SDHA: variants seen among roughly 807,000 people sequenced by gnomAD.
The protein encoded by SDHA is succinate dehydrogenase [ubiquinone] flavoprotein subunit, mitochondrial.
A neutral mutation model predicts 78.4 loss-of-function variants in SDHA; 48 were observed. That is an observed-to-expected ratio of 0.61 (90% CI 0.49 to 0.78). The LOEUF (loss-of-function observed/expected upper bound fraction) is 0.78. Among genes scored for constraint, SDHA ranks in the 30% least tolerant of loss-of-function variants. The probability of loss-of-function intolerance (pLI) is 0.00; values close to 1 mark genes in which losing one functional copy is unlikely to be tolerated. For synonymous variants in SDHA, 326 were observed against 353.9 expected, an observed-to-expected ratio of 0.92 and a Z score of 0.88; for missense variants, 680 against 892.7, an observed-to-expected ratio of 0.76 and a Z score of 3.04.
At chr5:219,794 G>A (rs1734610466) in intron 1 of SDHA, among the ~76,000 whole-genome samples, 1 of 152,186 alleles carries the variant, frequency 6.6e-6, no homozygotes, top group Non-Finnish European at 1.5e-5. Context: ...GATGGTGCCC[G>A]GTGTTCCTTC....
In SDHA at chr5:237,314, G is replaced by A. The variant is rs1288907819; in HGVS notation, c.1432+715G>A. On this transcript the variant is annotated intron_variant, in intron 10 of 14. Transcript: ENST00000264932. ...CTTGGTACTTAGAAAAGTAATTTAGGCCATTCTAGAAACAAAGTACAGCTA... is the reference window on the plus strand; with the variant it reads ...CTTGGTACTTAGAAAAGTAATTTAGACCATTCTAGAAACAAAGTACAGCTA... 1.6e-4 allele frequency among the ~76,000 whole-genome samples: 22 copies of A among 134,734 alleles called. 7 individuals carry two copies. The highest frequency in any genetic ancestry group is 7.5e-4 in the African/African-American group (21 of 27,848). The allele number at this position is 134,734 out of a possible 152,430, so 88.4% of individuals were successfully genotyped here. A position where few individuals can be genotyped will look rare whatever the true frequency, so the allele number is the denominator to read the frequency against.
rs1364448678 is a variant in SDHA at position 240,431 on chromosome 5, T to C, written c.1506T>C (p.Ala502=). Residue 502 remains alanine (A), a synonymous_variant, in exon 11 of 15, where the codon GCT becomes GCC. Coordinates refer to ENST00000264932, the MANE Select transcript of SDHA (RefSeq NM_004168.4). ...SVMNLDKLRF[A]DGSIRTSELR... Reference sequence around the variant, plus strand: ...TGAATCTTGACAAATTGAGATTTGCTGATGGAAGCATAAGAACATCGGAAC... The same window carrying C: ...TGAATCTTGACAAATTGAGATTTGCCGATGGAAGCATAAGAACATCGGAAC... 3.1e-6 allele frequency: 5 copies of C among 1,611,670 alleles called. No homozygotes were observed. Among genetic ancestry groups the C allele is most frequent in the Non-Finnish European group, 4.2e-6 (5 of 1,179,372 alleles).
intron 5 of SDHA, among the ~76,000 whole-genome samples, chr5:227,037 G>A (rs1272162943): frequency 6.6e-6 from 1 of 151,120 alleles, no homozygotes; most frequent in Non-Finnish European, 1.5e-5. Flanking sequence ...TTGAGACGGA[G>A]TCTCACTCTG....
chr5:254,653 A>C, intron 14 of SDHA, 147 bp downstream of exon 14: 1 of 1,363,602 alleles, frequency 7.3e-7, no homozygotes, highest in Non-Finnish European at 1.0e-6. Context: ...TGAAAAAGGC[A>C]CTCCGACAGC....
downstream of SDHA, among the ~76,000 whole-genome samples, chr5:257,104 ATTTCT>A (rs1399969777): frequency 2.0e-4 from 31 of 152,286 alleles, no homozygotes; most frequent in Middle Eastern, 3.4e-3. Context: ...CTTGTAGTTT[ATTTCT>A]AAGTTCAAAT....
Position 240,469 on chromosome 5 carries a change from T to C in SDHA, c.1544T>C (p.Met515Thr). 3 of 1,600,952 alleles carry C rather than the reference T, an allele frequency of 1.9e-6. No homozygotes were observed. Among genetic ancestry groups the C allele is most frequent in the South Asian group, 1.1e-5 (1 of 90,756 alleles). Residue 515 changes from methionine (M) to threonine (T), a missense_variant, in exon 11 of 15, where the codon ATG becomes ACG. By Grantham distance (81) the Met-to-Thr change is moderately conservative. Transcript: ENST00000264932. ...AGAACATCGGAACTGCGACTCAGCA[T>C]GCAGAAGGTAAGAGCCTGGACTCGC... Reference protein sequence around the residue: ...SIRTSELRLSMQKSMQNHAAV... With the variant: ...SIRTSELRLSTQKSMQNHAAV...
chr5:264,932 G>GT, the SDHA span, among the ~76,000 whole-genome samples: 93 of 152,322 alleles, frequency 6.1e-4, no homozygotes, highest in African/African-American at 2.2e-3. Flanking sequence ...TTCTGGCCAG[G>GT]TGCGGTGGCT....
chr5:224,968 G>A (rs1320009052), intron 3 of SDHA: 3 of 336,600 alleles, frequency 8.9e-6, no homozygotes, highest in African/African-American at 6.4e-5. Context: ...GGGTACAGGG[G>A]AGTGCGACTC....
intron 2 of SDHA, among the ~76,000 whole-genome samples, 178 bp downstream of exon 2, chr5:223,746 C>T (rs971285396): frequency 2.6e-5 from 4 of 152,042 alleles, no homozygotes; most frequent in Non-Finnish European, 5.9e-5. Flanking sequence ...CAAATATAAA[C>T]ATAGATGTTT....
intron 11 of SDHA, 116 bp from the exon 12 acceptor site, chr5:250,876 G>T: frequency 1.1e-6 from 1 of 905,184 alleles, no homozygotes. Flanking sequence ...TAATTTTTCT[G>T]TTTAATTTAT....
At chr5:232,813 G>C (rs556541885) in intron 7 of SDHA, among the ~76,000 whole-genome samples, 5 of 152,316 alleles carry the variant, frequency 3.3e-5, no homozygotes, top group African/African-American at 1.2e-4. Flanking sequence ...GGCATGCCCT[G>C]TTTCTCATCG....
chr5:242,118 G>A (rs186498695), intron 11 of SDHA, among the ~76,000 whole-genome samples: 79 of 152,288 alleles, frequency 5.2e-4, no homozygotes, highest in Non-Finnish European at 9.7e-4. Flanking sequence ...GTGGAAATGC[G>A]TTCCGTTGGG....
rs146653693 is a variant in SDHA, at chr5:228,286, C to T, written c.723C>T (p.Asp241=). 1,201 of 1,613,656 alleles carry T rather than the reference C, an allele frequency of 7.4e-4. No individual in the cohort carries two copies. Among genetic ancestry groups the T allele is most frequent in the Non-Finnish European group, 9.3e-4 (1,093 of 1,179,822 alleles). The change falls in exon 6 of 15, where the codon GAC becomes GAT. Residue 241 remains aspartate, a synonymous_variant. Transcript: ENST00000264932. ...GTGTCATCGCACTGTGCATAGAGGA[C>T]GGGTCCATCCATCGCATAAGAGCAA... is the stretch of plus-strand genomic sequence containing the variant. ...CRGVIALCIE[D]GSIHRIRAKN...
At chr5:223,980 T>C (rs1734861831) in intron 2 of SDHA, among the ~76,000 whole-genome samples, 1 of 137,582 alleles carries the variant, frequency 7.3e-6, no homozygotes, top group South Asian at 2.1e-4. Context: ...GCTTTGTATT[T>C]AGTGAGCCTA....
chr5:222,395 C>T (rs1163073362), intron 1 of SDHA, among the ~76,000 whole-genome samples: 37 of 149,194 alleles, frequency 2.5e-4, no homozygotes, highest in East Asian at 7.8e-4. Context: ...TTGCCGAGGC[C>T]GGAGTGCAGT....
intron 14 of SDHA, among the ~76,000 whole-genome samples, chr5:255,891 C>A (rs1281007036): frequency 2.6e-4 from 39 of 152,172 alleles, no homozygotes; most frequent in Admixed American, 1.8e-3. Flanking sequence ...CTTGAGTATT[C>A]CTTCTCTGAA....
intron 13 of SDHA, among the ~76,000 whole-genome samples, chr5:253,772 A>G (rs917228863): frequency 2.6e-5 from 4 of 152,148 alleles, no homozygotes; most frequent in African/African-American, 9.7e-5. Flanking sequence ...AGTTTTAATT[A>G]GAATAGAAGC....
intron 11 of SDHA, chr5:250,177 G>A (rs549578302): frequency 9.8e-5 from 15 of 152,404 alleles, no homozygotes; most frequent in African/African-American, 2.9e-4. Flanking sequence ...ACAGTGTTAC[G>A]ATTATGTATG....
chr5:228,586 T>C (rs376347915), intron 6 of SDHA, among the ~76,000 whole-genome samples: 3 of 138,714 alleles, frequency 2.2e-5, no homozygotes, highest in African/African-American at 9.9e-5. Flanking sequence ...GGTTCACAGC[T>C]TACCTCTCCC....
Sources: gnomAD v4.1 joint callset for allele counts (sites outside exome capture counted in the v4.1 genomes callset) on GRCh38, gnomAD v4.1.1 for gene constraint, MANE v1.5 for transcripts, NCBI Gene and HGNC (gene_info 2026-07-23, HGNC 2026-07-21) for gene names.